Variants in PTPRC observed in about 807,000 individuals in gnomAD.
PTPRC encodes receptor-type tyrosine-protein phosphatase C.
A neutral mutation model predicts 155.9 loss-of-function variants in PTPRC; 44 were observed. The observed-to-expected ratio is 0.28, with a 90% confidence interval of 0.22 to 0.36. The LOEUF is 0.36. Ranked by LOEUF, PTPRC falls within the 10% of genes least tolerant of loss-of-function variation. PTPRC has a pLI of 1.00. For synonymous variants in PTPRC, 525 were observed against 533.1 expected (o/e 0.98, Z 0.21); for missense variants, 1,401 against 1,564.6 (o/e 0.90, Z 1.76).
rs771933345 is a variant in PTPRC at position 198,755,974 on chromosome 1, A to G, written c.3714A>G (p.Lys1238=). The change falls in exon 33 of 33, where the codon AAA becomes AAG. Residue 1238 remains lysine, a synonymous_variant. Transcript: ENST00000442510. ...TYPAQNGQVK[K]NNHQEDKIEF... is the part of the protein sequence containing the mutation. ...CTGCTCAGAATGGACAAGTAAAGAA[A>G]AACAACCATCAAGAAGATAAAATTG... is the stretch of plus-strand genomic sequence containing the variant. The G allele has an allele frequency of 1.7e-5, 28 of 1,613,140 alleles. No homozygotes were observed. In the South Asian group the frequency reaches 2.9e-4, roughly 16 times the overall value.
chr1:198,703,522 TA>T, intron 7 of PTPRC, 150 bp downstream of exon 7: 1 of 1,240,000 alleles, frequency 8.1e-7, no homozygotes. Flanking sequence ...AGCAGGAAGA[TA>T]TTTCTCTGCT....
chr1:198,680,434 C>G (rs1158430959), intron 2 of PTPRC, among the ~76,000 whole-genome samples: 1 of 143,188 alleles, frequency 7.0e-6, no homozygotes, highest in Non-Finnish European at 1.5e-5. Flanking sequence ...GCCTGGGCCA[C>G]AGAGCAAAAC....
chr1:198,719,527 ATAGT>A (rs1653774699), intron 14 of PTPRC, among the ~76,000 whole-genome samples: 2 of 152,204 alleles, frequency 1.3e-5, no homozygotes, highest in Admixed American at 1.3e-4. Context: ...AGAAATTTCC[ATAGT>A]TAATTTTTTA....
intron 2 of PTPRC, among the ~76,000 whole-genome samples, chr1:198,686,791 T>C (rs1452653497): frequency 6.6e-6 from 1 of 152,230 alleles, no homozygotes. Context: ...CCAGATCTAT[T>C]TGACTCCACT....
At position 198,756,617 on chromosome 1, in the gene PTPRC, G is replaced by GACTC. The variant is rs1256726282; in HGVS notation, c.*438_*441dup. ...TTTTAAAAATCATAAACTGTGTGCA[G>GACTC]ACTCAATAAAATCATGTACATTTCT... On this transcript the variant is annotated 3_prime_UTR_variant, in exon 33 of 33. Transcript: ENST00000442510. The GACTC allele has an allele frequency of 1.7e-5, 3 of 179,330 alleles. No homozygotes were observed. The highest frequency in any genetic ancestry group is 3.6e-5 in the Non-Finnish European group (3 of 84,330). 11.1% of individuals were successfully genotyped at this position (179,330 alleles called of 1,614,324 possible). A position where few individuals can be genotyped will look rare whatever the true frequency, so the allele number is the denominator to read the frequency against.
At chr1:198,711,104 A>G (rs12134126) in intron 11 of PTPRC, among the ~76,000 whole-genome samples, 2,692 of 152,286 alleles carry the variant, frequency 0.018, 37 homozygotes, top group Middle Eastern at 0.024. Flanking sequence ...AATTACAGGC[A>G]TGAGCCACCA....
chr1:198,711,869 C>T (rs1017378358), intron 11 of PTPRC, among the ~76,000 whole-genome samples: 1 of 152,174 alleles, frequency 6.6e-6, no homozygotes, highest in Non-Finnish European at 1.5e-5. Context: ...TTAAATGATG[C>T]TCAGCATCAT....
chr1:198,754,895 T>C (rs1210371362), intron 32 of PTPRC, among the ~76,000 whole-genome samples: 1 of 151,958 alleles, frequency 6.6e-6, no homozygotes, highest in Non-Finnish European at 1.5e-5. Context: ...TGGTCTAAAG[T>C]GACCTACACT....
rs551138193 is a variant in PTPRC at position 198,648,544 on chromosome 1, G to T, written c.73+9203G>T. ...GGGCAAATCACAGCAGGACTGAATG[G>T]GAGCTGGTAATTTCTCAGAGGTTGT... On this transcript the variant is annotated intron_variant, in intron 2 of 32. Coordinates refer to ENST00000442510, the MANE Select transcript of PTPRC (RefSeq NM_002838.5). Among the ~76,000 whole-genome samples, 6 of 151,826 alleles carry T rather than the reference G, an allele frequency of 4.0e-5. No individual in the cohort carries two copies. In the East Asian group the frequency reaches 1.2e-3, roughly 29 times the overall value.
In PTPRC at chr1:198,641,862, T is replaced by C. The variant is rs187238220; in HGVS notation, c.73+2521T>C. 3.3e-5 allele frequency among the ~76,000 whole-genome samples: 5 copies of C among 152,182 alleles called. No homozygotes were observed. In the East Asian group the frequency reaches 9.7e-4, roughly 30 times the overall value. On this transcript the variant is annotated intron_variant, in intron 2 of 32. Transcript: ENST00000442510. Reference sequence around the variant, plus strand: ...TTTCCTGGACATAATTCTTCATTTTTCCATCTGTATTAAAAATATATATCT... The same window carrying C: ...TTTCCTGGACATAATTCTTCATTTTCCCATCTGTATTAAAAATATATATCT...
intron 2 of PTPRC, among the ~76,000 whole-genome samples, chr1:198,654,258 G>C (rs1663415383): frequency 6.6e-6 from 1 of 151,756 alleles, no homozygotes. Flanking sequence ...AAAATGTCTA[G>C]AGGTTAACAA....
intron 7 of PTPRC, among the ~76,000 whole-genome samples, chr1:198,704,202 G>A (rs921451035): frequency 2.6e-5 from 4 of 151,964 alleles, no homozygotes; most frequent in Admixed American, 1.3e-4. Flanking sequence ...TTGCCATACC[G>A]CCAATTAGAT....
At chr1:198,639,946 G>A (rs1662481028) in intron 2 of PTPRC, among the ~76,000 whole-genome samples, 1 of 151,884 alleles carries the variant, frequency 6.6e-6, no homozygotes, top group Admixed American at 6.6e-5. Context: ...TTAGTTTCTT[G>A]TTAATAGTTT....
Position 198,727,725 on chromosome 1 carries a change from T to C in PTPRC, c.1721-615T>C, listed in dbSNP as rs1192292565. 3.9e-5 allele frequency among the ~76,000 whole-genome samples: 6 copies of C among 152,244 alleles called. No homozygotes were observed. The East Asian group carries it at 9.7e-4, about 25-fold the overall frequency. On this transcript the variant is annotated intron_variant, in intron 15 of 32. Coordinates refer to ENST00000442510, the MANE Select transcript of PTPRC (RefSeq NM_002838.5). ...TAAGAAAAGGTGAATATACTGGAGATATTTCCAACACACCCTCTCTTCTAT... is the reference window on the plus strand; with the variant it reads ...TAAGAAAAGGTGAATATACTGGAGACATTTCCAACACACCCTCTCTTCTAT...
chr1:198,699,557 AC>A lies in PTPRC; in HGVS notation c.299-5del. On this transcript the variant is annotated splice_region_variant and splice_polypyrimidine_tract_variant and intron_variant, in intron 4 of 32. Coordinates refer to ENST00000442510, the MANE Select transcript of PTPRC (RefSeq NM_002838.5). ...ACTGATGTAATGATCTCACTTTCCT[AC>A]CTTAGGTGTTTCATCAGTACAGACG... 6.2e-7 allele frequency: 1 copy of A among 1,614,118 alleles called. No individual in the cohort carries two copies. Among genetic ancestry groups the A allele is most frequent in the Non-Finnish European group, 8.5e-7 (1 of 1,179,998 alleles).
Position 198,640,146 on chromosome 1 carries a change from G to T in PTPRC, c.73+805G>T, listed in dbSNP as rs542339966. ...AGTTTGAAATCTTTGCACATTTATG[G>T]TCTATTCAATGGATAGTTCTTGAGC... On this transcript the variant is annotated intron_variant, in intron 2 of 32. Coordinates refer to ENST00000442510, the MANE Select transcript of PTPRC (RefSeq NM_002838.5). Among the ~76,000 whole-genome samples, 14 of 151,972 alleles carry T rather than the reference G, an allele frequency of 9.2e-5. No homozygotes were observed. In the South Asian group the frequency reaches 2.3e-3, roughly 25 times the overall value.
intron 2 of PTPRC, among the ~76,000 whole-genome samples, chr1:198,682,321 G>A (rs1244945195): frequency 6.6e-6 from 1 of 152,218 alleles, no homozygotes; most frequent in Non-Finnish European, 1.5e-5. Flanking sequence ...AGGAGTGGGA[G>A]GCTTTTGTGC....
chr1:198,680,021 G>T (rs7539689), intron 2 of PTPRC: 8,172 of 545,234 alleles, frequency 0.015, 431 homozygotes, highest in African/African-American at 0.12. Flanking sequence ...GGCCTGGACC[G>T]CTTGCTGAGG....
Position 198,724,463 on chromosome 1 carries a change from T to C in PTPRC, c.1720+1987T>C, listed in dbSNP as rs572628415. Among the ~76,000 whole-genome samples the C allele has an allele frequency of 2.0e-5, 3 of 152,300 alleles. No individual in the cohort carries two copies. In the South Asian group the frequency reaches 6.2e-4, roughly 32 times the overall value. On this transcript the variant is annotated intron_variant, in intron 15 of 32. Transcript: ENST00000442510. Reference sequence around the variant, plus strand: ...TTTAGATTTGCTGTATCACACATAGTTATTTTTTTTTCTGTCTGAGTTCAC... The same window carrying C: ...TTTAGATTTGCTGTATCACACATAGCTATTTTTTTTTCTGTCTGAGTTCAC...
Sources: allele counts gnomAD v4.1 joint callset (sites outside exome capture counted in the v4.1 genomes callset), GRCh38; gene constraint gnomAD v4.1.1; transcripts MANE v1.5; gene names NCBI Gene and HGNC (gene_info 2026-07-23, HGNC 2026-07-21).